VPS13D: variants seen among roughly 807,000 people sequenced by gnomAD.
VPS13D encodes the protein vacuolar protein sorting 13 homolog D.
VPS13D carries 187 observed loss-of-function variants against 461.9 expected under a neutral mutation model. The ratio of observed to expected loss-of-function variants is 0.40; its 90% confidence interval spans 0.36 to 0.46. VPS13D has a LOEUF of 0.46. VPS13D is among the 20% of genes least tolerant of loss of function. VPS13D has a pLI of 0.60. For synonymous variants in VPS13D, 1,951 were observed against 1,986.3 expected (o/e 0.98, Z 0.47); for missense variants, 4,711 against 5,364.9 (o/e 0.88, Z 3.81).
chr1:12,331,309 C>T (rs561075067), intron 37 of VPS13D, among the ~76,000 whole-genome samples: 2 of 152,240 alleles, frequency 1.3e-5, no homozygotes, highest in Non-Finnish European at 2.9e-5. Context: ...AATTAAACCT[C>T]GATTTGTTGT....
intron 12 of VPS13D, 21 bp downstream of exon 12, chr1:12,261,170 C>A: frequency 6.2e-7 from 1 of 1,611,778 alleles, no homozygotes; most frequent in South Asian, 1.1e-5. Context: ...AGCTGGCCTT[C>A]ACTTGATTCA....
chr1:12,476,912 T>G (rs1304171507), intron 67 of VPS13D, among the ~76,000 whole-genome samples: 1 of 152,190 alleles, frequency 6.6e-6, no homozygotes, highest in Non-Finnish European at 1.5e-5. Flanking sequence ...GAGAGTATAT[T>G]TACAGTTTCT....
chr1:12,288,106 C>A, intron 21 of VPS13D, 117 bp from the exon 22 acceptor site: 1 of 824,392 alleles, frequency 1.2e-6, no homozygotes, highest in Non-Finnish European at 2.0e-6. Context: ...TTGTTAAAAG[C>A]ATTACCTTCA....
chr1:12,417,577 A>C (rs982853082), intron 65 of VPS13D, among the ~76,000 whole-genome samples: 4 of 152,104 alleles, frequency 2.6e-5, no homozygotes, highest in Non-Finnish European at 4.4e-5. Flanking sequence ...CTGCTTATTT[A>C]CTGTGGAGAG....
intron 65 of VPS13D, among the ~76,000 whole-genome samples, chr1:12,433,254 TG>T (rs1441243392): frequency 2.7e-5 from 4 of 148,038 alleles, no homozygotes; most frequent in African/African-American, 1.0e-4. Flanking sequence ...CTGGAACGCT[TG>T]GGGAAAAAAA....
At chr1:12,255,387 A>G (rs899239989) in intron 7 of VPS13D, among the ~76,000 whole-genome samples, 1 of 152,214 alleles carries the variant, frequency 6.6e-6, no homozygotes, top group African/African-American at 2.4e-5. Flanking sequence ...AACTAAGGTA[A>G]AAACAGCATA....
At chr1:12,506,365 G>C (rs907025267) in intron 68 of VPS13D, among the ~76,000 whole-genome samples, 2 of 152,210 alleles carry the variant, frequency 1.3e-5, no homozygotes, top group East Asian at 1.9e-4. Context: ...GAAGTGGATG[G>C]GGGGGTGCCC....
At chr1:12,377,712 C>T (rs780741882) in intron 55 of VPS13D, among the ~76,000 whole-genome samples, 10 of 149,212 alleles carry the variant, frequency 6.7e-5, no homozygotes, top group Admixed American at 2.7e-4. Context: ...CCCAGCTACT[C>T]GGGAGGCTGA....
intron 68 of VPS13D, 80 bp downstream of exon 68, chr1:12,497,711 T>C: frequency 6.7e-7 from 1 of 1,499,376 alleles, no homozygotes; most frequent in Non-Finnish European, 8.9e-7. Context: ...CTCCATCTGA[T>C]CTGAGTTATT....
At chr1:12,349,032 A>C in intron 45 of VPS13D, 59 bp downstream of exon 45, 1 of 1,611,032 alleles carries the variant, frequency 6.2e-7, no homozygotes, top group Non-Finnish European at 8.5e-7. Flanking sequence ...GACTGTTGTC[A>C]AGTCTCTTTT....
Position 12,407,925 on chromosome 1 carries a change from C to T in VPS13D, c.12030+3952C>T, listed in dbSNP as rs187700329. On this transcript the variant is annotated intron_variant, in intron 63 of 69. Transcript: ENST00000620676. ...CTTTGTTTTGATCTCATTTTCTCTTCTCTGAGAATAAAGTAACGCTCAAAG... is the reference window on the plus strand; with the variant it reads ...CTTTGTTTTGATCTCATTTTCTCTTTTCTGAGAATAAAGTAACGCTCAAAG... Among the ~76,000 whole-genome samples, 156 of 152,298 alleles carry T rather than the reference C, an allele frequency of 1.0e-3. 5 individuals carry two copies. In the East Asian group the frequency reaches 0.019, roughly 18 times the overall value.
Position 12,507,006 on chromosome 1 carries a change from T to A in VPS13D, c.12948T>A (p.His4316Gln), listed in dbSNP as rs1369575511. 6.2e-7 allele frequency: 1 copy of A among 1,614,220 alleles called. No homozygotes were observed. Among genetic ancestry groups the A allele is most frequent in the Non-Finnish European group, 8.5e-7 (1 of 1,180,040 alleles). The change falls in exon 69 of 70, where the codon CAT (histidine) becomes CAA (glutamine). Residue 4316 changes from histidine to glutamine, a missense_variant. By Grantham distance (24) the His-to-Gln change is conservative (BLOSUM62 0). This residue lies in a region of VPS13D where 194 missense variants were observed against 220.9 expected (regional missense o/e 0.88). Transcript: ENST00000620676. This position sits in a 1 kb window ranked among gnomAD's most constrained non-coding sequence, Gnocchi z 5.3. ...ACCACTGCCTTGTCTCCAAAGACCA[T>A]GGGAAGGTGTATGTGCAGGTGACCA... ...DLYHCLVSKD[H>Q]GKVYVQVTKK...
At chr1:12,320,328 G>T (rs1643003254) in intron 32 of VPS13D, among the ~76,000 whole-genome samples, 1 of 152,188 alleles carries the variant, frequency 6.6e-6, no homozygotes, top group South Asian at 2.1e-4. Context: ...GCAGGTTCTT[G>T]TTTCTATCAG....
intron 22 of VPS13D, among the ~76,000 whole-genome samples, chr1:12,290,054 C>A: frequency 6.6e-6 from 1 of 152,142 alleles, no homozygotes; most frequent in East Asian, 1.9e-4. Flanking sequence ...TTTACAGAGG[C>A]AACGGTTCAG....
chr1:12,332,830 C>A (rs1343423422), intron 37 of VPS13D, among the ~76,000 whole-genome samples: 1 of 152,176 alleles, frequency 6.6e-6, no homozygotes, highest in Admixed American at 6.5e-5. Flanking sequence ...TGTATTGGTC[C>A]TGTAACCAGG....
chr1:12,356,243 A>G, intron 48 of VPS13D, 153 bp downstream of exon 48: 1 of 1,381,896 alleles, frequency 7.2e-7, no homozygotes, highest in South Asian at 1.5e-5. Flanking sequence ...ATGCTTAATC[A>G]TGCTCAAAAC....
At chr1:12,263,512 C>T (rs1162427109) in intron 13 of VPS13D, among the ~76,000 whole-genome samples, 2 of 152,172 alleles carry the variant, frequency 1.3e-5, no homozygotes, top group African/African-American at 4.8e-5. Context: ...ATTGACTTGA[C>T]AGTATTTGCC....
At chr1:12,352,205 C>A (rs1009567213) in intron 46 of VPS13D, among the ~76,000 whole-genome samples, 1 of 151,738 alleles carries the variant, frequency 6.6e-6, no homozygotes, top group African/African-American at 2.4e-5. Context: ...GCAGGAGAAT[C>A]GCTTGAATCT....
intron 67 of VPS13D, among the ~76,000 whole-genome samples, chr1:12,471,988 C>T (rs899810894): frequency 6.6e-6 from 1 of 152,162 alleles, no homozygotes; most frequent in African/African-American, 2.4e-5. Flanking sequence ...TGTACAAATG[C>T]ACTGAGTAAT....
Sources: allele counts gnomAD v4.1 joint callset (sites outside exome capture counted in the v4.1 genomes callset), GRCh38; gene constraint gnomAD v4.1.1; regional missense constraint gnomAD v4.1.1; non-coding constraint Gnocchi (gnomAD v3.1); transcripts MANE v1.5; gene names NCBI Gene and HGNC (gene_info 2026-07-23, HGNC 2026-07-21).